Variants in GRAMD1B observed in about 807,000 individuals in gnomAD.
GRAMD1B encodes protein Aster-B.
In GRAMD1B, 37 loss-of-function variants were observed where a neutral mutation model predicts 99.7. That is an observed-to-expected ratio of 0.37 (90% CI 0.29 to 0.49). GRAMD1B has a LOEUF of 0.49. GRAMD1B is among the 20% of genes least tolerant of loss of function. GRAMD1B has a pLI of 0.98. For missense variants in GRAMD1B, 888 were observed against 1,009.2 expected (o/e 0.88, Z 1.63); for synonymous variants, 427 against 387.6 (o/e 1.10, Z -1.19).
chr11:123,526,917 T>C (rs1446917166), intron 2 of GRAMD1B, among the ~76,000 whole-genome samples: 2 of 152,222 alleles, frequency 1.3e-5, no homozygotes, highest in African/African-American at 4.8e-5. Context: ...ATAAGGAGAT[T>C]GCACGGGCAG....
At chr11:123,512,849 C>T (rs919996706) in intron 2 of GRAMD1B, among the ~76,000 whole-genome samples, 1 of 151,826 alleles carries the variant, frequency 6.6e-6, no homozygotes, top group African/African-American at 2.4e-5. Context: ...CATTGGTAGG[C>T]AGAATTTTGT....
Position 123,618,737 on chromosome 11 carries a change from T to C in GRAMD1B, c.2363T>C (p.Leu788Pro). The C allele has an allele frequency of 6.3e-7, 1 of 1,590,716 alleles. No homozygotes were observed. The highest frequency in any genetic ancestry group is 8.6e-7 in the Non-Finnish European group (1 of 1,167,948). The change falls in exon 18 of 20, where the codon CTC becomes CCC. Residue 788 changes from leucine to proline, a missense_variant. Around this residue, in one of 5 missense-constraint regions of GRAMD1B, gnomAD observed 232 missense variants for 261.7 expected, o/e 0.89. Coordinates refer to ENST00000635736, the MANE Select transcript of GRAMD1B (RefSeq NM_001387025.1). ...CTTAACATGATGCTCTTCTACAAAC[T>C]CTGGATGTTGGAATACACCACGCAG... Reference protein sequence around the residue: ...VILNMMLFYKLWMLEYTTQTL... With the variant: ...VILNMMLFYKPWMLEYTTQTL...
chr11:123,581,393 C>T (rs953585440), intron 3 of GRAMD1B, among the ~76,000 whole-genome samples: 7 of 152,244 alleles, frequency 4.6e-5, no homozygotes, highest in South Asian at 2.1e-4. Context: ...CCCCTTCTCA[C>T]CCCCAGAGGC....
At chr11:123,526,709 T>C (rs1942805444) in intron 2 of GRAMD1B, among the ~76,000 whole-genome samples, 1 of 151,998 alleles carries the variant, frequency 6.6e-6, no homozygotes, top group Admixed American at 6.6e-5. Context: ...CAGAGGCGAG[T>C]GGACCGCTGC....
At chr11:123,366,963 G>A (rs1174366388) in intron 1 of GRAMD1B, among the ~76,000 whole-genome samples, 1 of 152,150 alleles carries the variant, frequency 6.6e-6, no homozygotes, top group African/African-American at 2.4e-5. Flanking sequence ...CAGCAATTTG[G>A]GAGGCTAAGG....
intron 2 of GRAMD1B, among the ~76,000 whole-genome samples, chr11:123,518,676 T>G (rs2135402803): frequency 6.6e-6 from 1 of 152,252 alleles, no homozygotes; most frequent in Middle Eastern, 3.4e-3. Context: ...GTGTTAAGTG[T>G]GGTTTAGCAC....
At chr11:123,378,069 T>C (rs1946750859) in intron 1 of GRAMD1B, among the ~76,000 whole-genome samples, 1 of 152,238 alleles carries the variant, frequency 6.6e-6, no homozygotes, top group African/African-American at 2.4e-5. Flanking sequence ...GTCAGAACAC[T>C]GGACTTGGTA....
chr11:123,494,180 A>G (rs1052465635), intron 2 of GRAMD1B, among the ~76,000 whole-genome samples: 4 of 152,234 alleles, frequency 2.6e-5, no homozygotes, highest in African/African-American at 9.6e-5. Flanking sequence ...AAATGAACCA[A>G]TGAATAACCA....
chr11:123,577,923 A>G (rs990463072), intron 3 of GRAMD1B, among the ~76,000 whole-genome samples: 2 of 151,850 alleles, frequency 1.3e-5, no homozygotes, highest in African/African-American at 2.4e-5. Flanking sequence ...AGGCAACATT[A>G]TTTGGGACAT....
At chr11:123,378,461 T>C (rs975260441) in intron 1 of GRAMD1B, among the ~76,000 whole-genome samples, 5 of 152,328 alleles carry the variant, frequency 3.3e-5, no homozygotes, top group African/African-American at 1.2e-4. Context: ...AAATATATGA[T>C]TTGCAAAACT....
chr11:123,439,221 C>T (rs1289612523), intron 1 of GRAMD1B, among the ~76,000 whole-genome samples: 1 of 152,056 alleles, frequency 6.6e-6, no homozygotes, highest in Non-Finnish European at 1.5e-5. Context: ...CTCAGGGACT[C>T]AGAACAGAAA....
At chr11:123,368,258 C>CAAAAAA (rs1024340450) in intron 1 of GRAMD1B, among the ~76,000 whole-genome samples, 3 of 88,266 alleles carry the variant, frequency 3.4e-5, no homozygotes, top group Admixed American at 1.4e-4. Flanking sequence ...CATCTTAAAA[C>CAAAAAA]AAAAAAAAAA....
At chr11:123,495,476 A>AC (rs1266654992) in intron 2 of GRAMD1B, among the ~76,000 whole-genome samples, 3 of 152,104 alleles carry the variant, frequency 2.0e-5, no homozygotes, top group African/African-American at 7.2e-5. Flanking sequence ...GACTATAATC[A>AC]CCCTGTTGTG....
chr11:123,362,387 A>G (rs10893028), intron 1 of GRAMD1B, among the ~76,000 whole-genome samples: 59,168 of 151,662 alleles, frequency 0.39, 13,117 homozygotes, highest in African/African-American at 0.61. Context: ...CAGCACCCTC[A>G]TGGGCTCTTG....
chr11:123,457,060 TG>T (rs1199172543), intron 1 of GRAMD1B, among the ~76,000 whole-genome samples: 3 of 136,934 alleles, frequency 2.2e-5, no homozygotes, highest in Non-Finnish European at 4.8e-5. Flanking sequence ...TGCAGTGAGC[TG>T]TGATGGCACC....
intron 2 of GRAMD1B, among the ~76,000 whole-genome samples, chr11:123,512,179 G>A (rs1255933135): frequency 2.0e-5 from 3 of 152,176 alleles, no homozygotes; most frequent in African/African-American, 4.8e-5. Flanking sequence ...ATGAAAGCAG[G>A]CATCTGCAAC....
In GRAMD1B at chr11:123,510,728, C is replaced by A. The variant is rs563506477; in HGVS notation, c.452+29835C>A. On this transcript the variant is annotated intron_variant, in intron 2 of 19. Coordinates refer to ENST00000635736, the MANE Select transcript of GRAMD1B (RefSeq NM_001387025.1). This position sits in a 1 kb window ranked among gnomAD's most constrained non-coding sequence, Gnocchi z 4.3. The stretch of plus-strand genomic sequence containing the variant: ...TGGAAATGCTGCCGGCCGCACTGTG[C>A]GTAAGTGGCTTCGCTTGGCGAGTTC... Among the ~76,000 whole-genome samples, 7 of 152,298 alleles carry A rather than the reference C, an allele frequency of 4.6e-5. No homozygotes were observed. Among genetic ancestry groups the A allele is most frequent in the African/African-American group, 1.4e-4 (6 of 41,570 alleles).
rs142340477 is a variant in GRAMD1B at position 123,581,031 on chromosome 11, C to T, written c.664-3281C>T. Among the ~76,000 whole-genome samples, 165 of 152,078 alleles carry T rather than the reference C, an allele frequency of 1.1e-3. 4 individuals carry two copies. The East Asian group carries it at 0.03, about 28-fold the overall frequency. On this transcript the variant is annotated intron_variant, in intron 3 of 19. Transcript: ENST00000635736. ...GTAGAGCTCTCCTAGTCCCTGCCCC[C>T]CTACCTCCTCCACACCCCGCACCTT... is the stretch of plus-strand genomic sequence containing the variant.
chr11:123,606,493 C>A, intron 10 of GRAMD1B, 116 bp from the exon 11 acceptor site: 1 of 912,354 alleles, frequency 1.1e-6, no homozygotes, highest in South Asian at 1.7e-5. Flanking sequence ...TGACTTCGCT[C>A]CTGAGCAGCT....
Sources: allele counts gnomAD v4.1 joint callset (sites outside exome capture counted in the v4.1 genomes callset), GRCh38; gene constraint gnomAD v4.1.1; regional missense constraint gnomAD v4.1.1; non-coding constraint Gnocchi (gnomAD v3.1); transcripts MANE v1.5; gene names NCBI Gene and HGNC (gene_info 2026-07-23, HGNC 2026-07-21).